The following CACNA1B variants were observed in gnomAD, a reference collection of about 807,000 sequenced individuals.
CACNA1B encodes the protein voltage-dependent N-type calcium channel subunit alpha-1B.
A neutral mutation model predicts 247.2 loss-of-function variants in CACNA1B; 70 were observed. The ratio of observed to expected loss-of-function variants is 0.28; its 90% confidence interval spans 0.23 to 0.35. The LOEUF is 0.35. Among genes scored for constraint, CACNA1B ranks in the 10% least tolerant of loss-of-function variants. The pLI, the probability that CACNA1B is intolerant of heterozygous loss-of-function variation, is 1.00. For missense variants in CACNA1B, 2,367 were observed against 3,197.4 expected (o/e 0.74, Z 6.26); for synonymous variants, 1,231 against 1,294.4 (o/e 0.95, Z 1.05).
intron 3 of CACNA1B, chr9:137,889,913 A>C (rs1957073443): frequency 7.0e-6 from 1 of 142,920 alleles, no homozygotes. Context: ...GGTTCTTAAC[A>C]CTCTCCTGGA....
In CACNA1B at chr9:138,016,613, C is replaced by T. The variant is rs537030266; in HGVS notation, c.2267+3378C>T. Reference sequence around the variant, plus strand: ...GCGGCATCTCCGGAAAGGGCACCCTCGCCTCCTTTGTTAGCCTACGCTGCC... The same window carrying T: ...GCGGCATCTCCGGAAAGGGCACCCTTGCCTCCTTTGTTAGCCTACGCTGCC... On this transcript the variant is annotated intron_variant, in intron 18 of 46. Transcript: ENST00000371372. 1.8e-4 allele frequency among the ~76,000 whole-genome samples: 27 copies of T among 152,274 alleles called. No individual in the cohort carries two copies. The East Asian group carries it at 3.5e-3, about 20-fold the overall frequency.
chr9:137,997,795 G>C (rs547259347), intron 15 of CACNA1B, among the ~76,000 whole-genome samples: 4 of 152,270 alleles, frequency 2.6e-5, no homozygotes, highest in Non-Finnish European at 4.4e-5. Context: ...GTTCCTGCCA[G>C]GTATAGTTTT....
rs1214292941 is a variant in CACNA1B at position 137,882,693 on chromosome 9, T to A, written c.391-51T>A. On this transcript the variant is annotated intron_variant, in intron 2 of 46. Coordinates refer to ENST00000371372, the MANE Select transcript of CACNA1B (RefSeq NM_000718.4). This position sits in a 1 kb window ranked among gnomAD's most constrained non-coding sequence, Gnocchi z 4.0. ...GTCCTCACCAACCGTCTCTGCCCGCTACTACACCGGGTAGGGGCCAGGGGT... is the reference window on the plus strand; with the variant it reads ...GTCCTCACCAACCGTCTCTGCCCGCAACTACACCGGGTAGGGGCCAGGGGT... The A allele has an allele frequency of 1.2e-6, 2 of 1,610,028 alleles. No individual in the cohort carries two copies. Among genetic ancestry groups the A allele is most frequent in the Non-Finnish European group, 1.7e-6 (2 of 1,176,768 alleles).
At chr9:137,904,422 A>G (rs1158084218) in intron 3 of CACNA1B, among the ~76,000 whole-genome samples, 1 of 132,672 alleles carries the variant, frequency 7.5e-6, no homozygotes. Flanking sequence ...GCTGGAGTGC[A>G]GTGGTGTGAT....
In CACNA1B at chr9:138,100,201, G is replaced by A. The variant is rs1183682977; in HGVS notation, c.5223-2510G>A. On this transcript the variant is annotated intron_variant, in intron 37 of 46. Coordinates refer to ENST00000371372, the MANE Select transcript of CACNA1B (RefSeq NM_000718.4). This position sits in a 1 kb window ranked among gnomAD's most constrained non-coding sequence, Gnocchi z 4.6. ...GGAGGTGGGGCAGAGGGAAGAGGGA[G>A]GCCAGGTGGCTTCTGTCAGGCTGGA... Among the ~76,000 whole-genome samples the A allele has an allele frequency of 6.6e-6, 1 of 152,204 alleles. No homozygotes were observed. The highest frequency in any genetic ancestry group is 1.5e-5 in the Non-Finnish European group (1 of 68,030).
At position 138,012,351 on chromosome 9, in the gene CACNA1B, G is replaced by T. The variant is rs995637827; in HGVS notation, c.2161-778G>T. Among the ~76,000 whole-genome samples, 8 of 152,142 alleles carry T rather than the reference G, an allele frequency of 5.3e-5. No homozygotes were observed. Among genetic ancestry groups the T allele is most frequent in the African/African-American group, 1.9e-4 (8 of 41,436 alleles). Reference sequence around the variant, plus strand: ...TGCAGAGCCTCTTGCCCTTGCTCTTGGCTTTGTTAAAGTGTGACAGATGCT... The same window carrying T: ...TGCAGAGCCTCTTGCCCTTGCTCTTTGCTTTGTTAAAGTGTGACAGATGCT... On this transcript the variant is annotated intron_variant, in intron 17 of 46. Transcript: ENST00000371372. This position sits in a 1 kb window ranked among gnomAD's most constrained non-coding sequence, Gnocchi z 4.2.
chr9:138,097,086 C>T (rs1961080426), intron 37 of CACNA1B, among the ~76,000 whole-genome samples: 1 of 151,960 alleles, frequency 6.6e-6, no homozygotes, highest in South Asian at 2.1e-4. Context: ...GAGTCTCCCT[C>T]TGCTCTTTCT....
rs186664957 is a variant in CACNA1B, at chr9:138,043,688, C to T, written c.3287-86C>T. 3.5e-4 allele frequency: 529 copies of T among 1,512,980 alleles called. 3 individuals are homozygous for T. In the African/African-American group the frequency reaches 5.4e-3, roughly 15 times the overall value. The allele number at this position is 1,512,980 out of a possible 1,614,324, so 93.7% of individuals were successfully genotyped here. On this transcript the variant is annotated intron_variant, in intron 20 of 46. Coordinates refer to ENST00000371372, the MANE Select transcript of CACNA1B (RefSeq NM_000718.4). ...GCCTGTGAGGACCTGACGCAAGTGCCGGGGGCATGGGAGCTGGGAGGGAGC... is the reference window on the plus strand; with the variant it reads ...GCCTGTGAGGACCTGACGCAAGTGCTGGGGGCATGGGAGCTGGGAGGGAGC...
intron 40 of CACNA1B, among the ~76,000 whole-genome samples, chr9:138,113,588 G>A (rs1383532053): frequency 7.1e-6 from 1 of 141,258 alleles, no homozygotes; most frequent in African/African-American, 2.7e-5. Context: ...TGCGGGAGAC[G>A]TGAGGGAGTG....
At position 137,971,403 on chromosome 9, in the gene CACNA1B, A is replaced by C. The variant is rs750350019; in HGVS notation, c.1354A>C (p.Ser452Arg). ...CAVGSPFARA[S>R]LKSGKTESSS... The stretch of plus-strand genomic sequence containing the variant: ...CTCAGGATCCCCCTTCGCCCGCGCC[A>C]GCCTCAAGAGCGGGAAGACAGAGAG... Residue 452 changes from serine (S) to arginine (R), a missense_variant, in exon 11 of 47, where the codon AGC becomes CGC. Transcript: ENST00000371372. This position sits in a 1 kb window ranked among gnomAD's most constrained non-coding sequence, Gnocchi z 4.4. 6.2e-7 allele frequency: 1 copy of C among 1,612,904 alleles called. No homozygotes were observed.
chr9:137,877,898 C>T lies in CACNA1B; in HGVS notation c.-36C>T, dbSNP rs866017683. 3,743 of 994,930 alleles carry T rather than the reference C, an allele frequency of 3.8e-3. 84 individuals carry two copies. The African/African-American group carries it at 0.061, about 16-fold the overall frequency. The allele number at this position is 994,930 out of a possible 1,614,324, so 61.6% of individuals were successfully genotyped here. A position where few individuals can be genotyped will look rare whatever the true frequency, so the allele number is the denominator to read the frequency against. ...GCGCCCCGCGCCCTCCCTGCCGGGGCCGCTGGGCCGGGGATGCACGCGGGG... is the reference window on the plus strand; with the variant it reads ...GCGCCCCGCGCCCTCCCTGCCGGGGTCGCTGGGCCGGGGATGCACGCGGGG... On this transcript the variant is annotated 5_prime_UTR_variant, in exon 1 of 47. Transcript: ENST00000371372.
At chr9:138,093,426 AAAG>A (rs1376116104) in intron 36 of CACNA1B, among the ~76,000 whole-genome samples, 11 of 149,872 alleles carry the variant, frequency 7.3e-5, no homozygotes, top group South Asian at 2.1e-4. Flanking sequence ...AAAAAAAAAA[AAAG>A]AAGAAGAAGA....
At chr9:138,049,884 T>C (rs573980653) in intron 24 of CACNA1B, among the ~76,000 whole-genome samples, 83 of 152,218 alleles carry the variant, frequency 5.5e-4, no homozygotes, top group African/African-American at 1.9e-3. Flanking sequence ...ATGGAGGGCA[T>C]TGTCGGGGGC....
In CACNA1B at chr9:138,059,025, G is replaced by T; in HGVS notation, c.4474-54G>T. ...TTGCTTGGTCATAGTGGTCCCAGAT[G>T]GGGTGTCTTGGGGCTGCCAAACCCA... On this transcript the variant is annotated intron_variant, in intron 29 of 46. Coordinates refer to ENST00000371372, the MANE Select transcript of CACNA1B (RefSeq NM_000718.4). This position sits in a 1 kb window ranked among gnomAD's most constrained non-coding sequence, Gnocchi z 4.2. 1 of 1,047,048 alleles carries T rather than the reference G, an allele frequency of 9.6e-7. No individual in the cohort carries two copies. The highest frequency in any genetic ancestry group is 1.3e-5 in the South Asian group (1 of 75,902). 64.9% of individuals were successfully genotyped at this position (1,047,048 alleles called of 1,614,324 possible).
At chr9:138,064,500 AT>A in intron 31 of CACNA1B, among the ~76,000 whole-genome samples, 1 of 152,190 alleles carries the variant, frequency 6.6e-6, no homozygotes, top group Non-Finnish European at 1.5e-5. Flanking sequence ...ATTCTTTTGA[AT>A]TCTATATTTA....
intron 20 of CACNA1B, among the ~76,000 whole-genome samples, chr9:138,027,761 A>G (rs1033003447): frequency 5.3e-5 from 8 of 152,170 alleles, no homozygotes; most frequent in African/African-American, 1.9e-4. Flanking sequence ...TTGATATGAA[A>G]TATCTTTGCA....
At chr9:137,900,478 G>A (rs1004508862) in intron 3 of CACNA1B, among the ~76,000 whole-genome samples, 13 of 151,148 alleles carry the variant, frequency 8.6e-5, no homozygotes, top group East Asian at 5.9e-4. Context: ...CTCTGTGTCC[G>A]TGTCTGTACT....
intron 15 of CACNA1B, 72 bp from the exon 16 acceptor site, chr9:138,006,695 T>G: frequency 2.5e-6 from 2 of 808,384 alleles, no homozygotes; most frequent in South Asian, 2.8e-5. Flanking sequence ...CATGCACTCA[T>G]GTGGGTGGGG....
chr9:138,071,359 TG>T (rs1314843045), intron 32 of CACNA1B, among the ~76,000 whole-genome samples: 4 of 152,180 alleles, frequency 2.6e-5, no homozygotes, highest in African/African-American at 9.6e-5. Flanking sequence ...TCAGTGAGGT[TG>T]GGGCAGGCTG....
Sources: allele counts gnomAD v4.1 joint callset (sites outside exome capture counted in the v4.1 genomes callset), GRCh38; gene constraint gnomAD v4.1.1; non-coding constraint Gnocchi (gnomAD v3.1); transcripts MANE v1.5; gene names NCBI Gene and HGNC (gene_info 2026-07-23, HGNC 2026-07-21).